Variants in ASB8 observed in about 807,000 individuals in gnomAD.
ASB8 encodes ankyrin repeat and SOCS box protein 8.
ASB8 carries 15 observed loss-of-function variants against 22.9 expected under a neutral mutation model. That is an observed-to-expected ratio of 0.66 (90% CI 0.44 to 1.01). The LOEUF (loss-of-function observed/expected upper bound fraction) is 1.01. ASB8 is among the 50% of genes least tolerant of loss of function. ASB8 has a pLI of 0.00. For missense variants in ASB8, 294 were observed against 356.9 expected, an observed-to-expected ratio of 0.82 and a Z score of 1.42; for synonymous variants, 124 against 140.8, an observed-to-expected ratio of 0.88 and a Z score of 0.84.
In ASB8 at chr12:48,149,623, C is replaced by CT. The variant is rs747259622; in HGVS notation, c.609dup (p.Glu204ArgfsTer6). 6.8e-6 allele frequency: 11 copies of CT among 1,614,176 alleles called. No homozygotes were observed. The South Asian group carries it at 1.1e-4, about 16-fold the overall frequency. On this transcript the variant is annotated frameshift_variant, in exon 4 of 4. Coordinates refer to ENST00000317697, the MANE Select transcript of ASB8 (RefSeq NM_024095.5). LOFTEE classifies it high-confidence loss of function. The stretch of plus-strand genomic sequence containing the variant: ...TGGAGGAGCTCAAAGCAAGAGTCCT[C>CT]TTTCTCTGTTCCAAGTCCCCTGACT...
intron 2 of ASB8, 182 bp downstream of exon 2, chr12:48,153,186 A>G (rs1017092606): frequency 6.2e-6 from 4 of 649,038 alleles, no homozygotes. Flanking sequence ...ACAAAGTGAA[A>G]GGGAGAAGGG....
At chr12:48,154,803 T>C (rs113675667) in intron 1 of ASB8, among the ~76,000 whole-genome samples, 1,710 of 152,090 alleles carry the variant, frequency 0.011, 19 homozygotes, top group Non-Finnish European at 0.018. Flanking sequence ...TAGCTGGGCA[T>C]GGTGGCGCAC....
chr12:48,152,817 A>T (rs1223183207), intron 2 of ASB8: 4 of 152,382 alleles, frequency 2.6e-5, no homozygotes, highest in Admixed American at 6.5e-5. Flanking sequence ...AAACATGGTG[A>T]AACACCATCT....
Position 48,149,179 on chromosome 12 carries a change from T to G in ASB8, c.*187A>C. The G allele has an allele frequency of 1.6e-6, 1 of 631,664 alleles. No homozygotes were observed. Among genetic ancestry groups the G allele is most frequent in the Non-Finnish European group, 2.6e-6 (1 of 382,572 alleles). The allele number at this position is 631,664 out of a possible 1,614,324, so 39.1% of individuals were successfully genotyped here. A position where few individuals can be genotyped will look rare whatever the true frequency, so the allele number is the denominator to read the frequency against. On this transcript the variant is annotated 3_prime_UTR_variant, in exon 4 of 4. Transcript: ENST00000317697. ...ATAAACAGAAAACAAAAGTGAGGGA[T>G]TTTTTTTGTTGGGTTGTTTGGTTTG...
chr12:48,149,325 A>T lies in ASB8; in HGVS notation c.*41T>A. On this transcript the variant is annotated 3_prime_UTR_variant, in exon 4 of 4. Transcript: ENST00000317697. Reference sequence around the variant, plus strand: ...CAAGGAGTACTGCAGGGACAACCTCACCCAGAGCTGCCTGCACGATGGTGC... The same window carrying T: ...CAAGGAGTACTGCAGGGACAACCTCTCCCAGAGCTGCCTGCACGATGGTGC... 6.3e-7 allele frequency: 1 copy of T among 1,578,386 alleles called. No homozygotes were observed. Among genetic ancestry groups the T allele is most frequent in the Non-Finnish European group, 8.6e-7 (1 of 1,156,312 alleles).
Position 48,153,876 on chromosome 12 carries a change from A to G in ASB8, c.-33-347T>C, listed in dbSNP as rs573121108. Reference sequence around the variant, plus strand: ...CCTTCTTTGAATTTTTGTGGTTTTTATGATCAGCACCACCATTAAGTTATT... The same window carrying G: ...CCTTCTTTGAATTTTTGTGGTTTTTGTGATCAGCACCACCATTAAGTTATT... On this transcript the variant is annotated intron_variant, in intron 1 of 3. Transcript: ENST00000317697. 2.9e-4 allele frequency: 51 copies of G among 175,654 alleles called. 2 individuals are homozygous for G. In the South Asian group the frequency reaches 7.0e-3, roughly 24 times the overall value. The allele number at this position is 175,654 out of a possible 1,614,324, so 10.9% of individuals were successfully genotyped here.
intron 1 of ASB8, among the ~76,000 whole-genome samples, chr12:48,155,611 T>C (rs1379339952): frequency 6.6e-6 from 1 of 150,842 alleles, no homozygotes; most frequent in African/African-American, 2.4e-5. Context: ...CCCCTGGTAG[T>C]CCCAGCCACT....
Position 48,147,852 on chromosome 12 carries a change from G to A in ASB8, c.*1514C>T, listed in dbSNP as rs891218430. 1 of 152,014 alleles carries A rather than the reference G, an allele frequency of 6.6e-6. No homozygotes were observed. Among genetic ancestry groups the A allele is most frequent in the African/African-American group, 2.4e-5 (1 of 41,348 alleles). 9.4% of individuals were successfully genotyped at this position (152,014 alleles called of 1,614,324 possible). On this transcript the variant is annotated 3_prime_UTR_variant, in exon 4 of 4. Coordinates refer to ENST00000317697, the MANE Select transcript of ASB8 (RefSeq NM_024095.5). ...GTTTTTTAAACACCAGCATCAATAGGACAGAAGAAGACATCTGTTTTCCAA... is the reference window on the plus strand; with the variant it reads ...GTTTTTTAAACACCAGCATCAATAGAACAGAAGAAGACATCTGTTTTCCAA...
intron 3 of ASB8, 114 bp from the exon 4 acceptor site, chr12:48,150,112 G>A (rs748315411): frequency 1.7e-6 from 2 of 1,206,796 alleles, no homozygotes; most frequent in South Asian, 1.2e-5. Context: ...CTCTGAACAG[G>A]AGGGTCAGCA....
intron 2 of ASB8, 85 bp downstream of exon 2, chr12:48,153,283 G>A: frequency 6.6e-7 from 1 of 1,510,966 alleles, no homozygotes; most frequent in Non-Finnish European, 9.2e-7. Flanking sequence ...ATCTTGGGTT[G>A]AGTCAAAGCT....
At chr12:48,155,846 G>C (rs1951295447) in intron 1 of ASB8, among the ~76,000 whole-genome samples, 2 of 145,166 alleles carry the variant, frequency 1.4e-5, no homozygotes, top group Admixed American at 1.4e-4. Context: ...TGCGATCTCA[G>C]CTCACTGCAA....
chr12:48,150,302 G>GT (rs1223885218), intron 3 of ASB8: 2 of 652,868 alleles, frequency 3.1e-6, no homozygotes, highest in Non-Finnish European at 5.5e-6. Context: ...CTACCACAGA[G>GT]TAAGGGGTAA....
chr12:48,149,235 G>C lies in ASB8; in HGVS notation c.*131C>G, dbSNP rs1338723334. 1.0e-6 allele frequency: 1 copy of C among 1,000,662 alleles called. No homozygotes were observed. The highest frequency in any genetic ancestry group is 1.4e-6 in the Non-Finnish European group (1 of 698,172). The allele number at this position is 1,000,662 out of a possible 1,614,324, so 62.0% of individuals were successfully genotyped here. On this transcript the variant is annotated 3_prime_UTR_variant, in exon 4 of 4. Coordinates refer to ENST00000317697, the MANE Select transcript of ASB8 (RefSeq NM_024095.5). ...GGGAGGTGCTATGGAGGTTATTGTT[G>C]TGACATGTTGCTTCGAAATCTATAA...
chr12:48,150,293 T>G, intron 3 of ASB8: 2 of 660,864 alleles, frequency 3.0e-6, no homozygotes, highest in East Asian at 2.7e-5. Flanking sequence ...TTAGAATCTC[T>G]ACCACAGAGT....
intron 1 of ASB8, among the ~76,000 whole-genome samples, chr12:48,154,780 A>C (rs1259828555): frequency 6.6e-6 from 1 of 151,666 alleles, no homozygotes; most frequent in East Asian, 2.0e-4. Context: ...TGTACTAAAA[A>C]TACAAAAAAA....
chr12:48,155,442 C>T (rs1951284550), intron 1 of ASB8, among the ~76,000 whole-genome samples: 1 of 152,022 alleles, frequency 6.6e-6, no homozygotes, highest in African/African-American at 2.4e-5. Context: ...AATGTTTTGG[C>T]GGGGCGCGAT....
chr12:48,150,504 A>G (rs1483244452), intron 3 of ASB8, among the ~76,000 whole-genome samples: 1 of 152,266 alleles, frequency 6.6e-6, no homozygotes, highest in East Asian at 1.9e-4. Context: ...TCAAAATGTT[A>G]GAATATAAGT....
chr12:48,154,629 A>G (rs914718786), intron 1 of ASB8, among the ~76,000 whole-genome samples: 8 of 151,882 alleles, frequency 5.3e-5, no homozygotes, highest in African/African-American at 1.2e-4. Context: ...GTTTTAGGAA[A>G]ATTTGCAGAT....
Position 48,149,691 on chromosome 12 carries a change from T to A in ASB8, c.542A>T (p.Asn181Ile). The A allele has an allele frequency of 6.2e-7, 1 of 1,614,098 alleles. No homozygotes were observed. Among genetic ancestry groups the A allele is most frequent in the Non-Finnish European group, 8.5e-7 (1 of 1,179,974 alleles). ...GGAGATGGGTGTCTGGCCTATTAGG[T>A]TGATGACTCTGACCTCTGCGCCATA... ...LDYGAEVRVI[N>I]LIGQTPISRL... Residue 181 changes from asparagine (N) to isoleucine (I), a missense_variant, in exon 4 of 4, where the codon AAC becomes ATC. Transcript: ENST00000317697.
Sources: allele counts gnomAD v4.1 joint callset (sites outside exome capture counted in the v4.1 genomes callset), GRCh38; gene constraint gnomAD v4.1.1; transcripts MANE v1.5; gene names NCBI Gene and HGNC (gene_info 2026-07-23, HGNC 2026-07-21).